Variants in BCAR3 observed in about 807,000 individuals in gnomAD.
BCAR3 encodes BCAR3 adaptor protein, NSP family member.
In BCAR3, 37 loss-of-function variants were observed where a neutral mutation model predicts 80.1. That is an observed-to-expected ratio of 0.46 (90% CI 0.36 to 0.61). BCAR3 has a LOEUF of 0.61. Ranked by LOEUF, BCAR3 falls within the 20% of genes least tolerant of loss-of-function variation. The pLI is 0.00. For missense variants in BCAR3, 978 were observed against 1,068.2 expected (o/e 0.92, Z 1.18); for synonymous variants, 389 against 418.9 (o/e 0.93, Z 0.87).
rs1270315705 is a variant in BCAR3 at position 93,641,374 on chromosome 1, G to A, written c.357+930C>T. Among the ~76,000 whole-genome samples the A allele has an allele frequency of 3.3e-5, 5 of 152,286 alleles. No homozygotes were observed. In the East Asian group the frequency reaches 5.8e-4, roughly 18 times the overall value. On this transcript the variant is annotated intron_variant, in intron 3 of 11. Transcript: ENST00000260502. ...AGGATGCTGCTGCCTTTGGGATAGC[G>A]AAGGTGGAATGAGACTCCTGATTCT...
At chr1:93,695,721 C>T (rs898479215) in intron 3 of BCAR3, among the ~76,000 whole-genome samples, 4 of 152,190 alleles carry the variant, frequency 2.6e-5, no homozygotes, top group Admixed American at 6.5e-5. Flanking sequence ...TCTGAAATTG[C>T]GCTCCCTGAG....
chr1:93,832,152 G>A (rs866757360), intron 2 of BCAR3, among the ~76,000 whole-genome samples: 33 of 152,246 alleles, frequency 2.2e-4, no homozygotes, highest in African/African-American at 6.7e-4. Context: ...GATTAACTTC[G>A]CCTTCAAGGT....
intron 2 of BCAR3, among the ~76,000 whole-genome samples, chr1:93,720,024 C>T (rs1035131268): frequency 1.3e-5 from 2 of 152,168 alleles, no homozygotes; most frequent in African/African-American, 4.8e-5. Flanking sequence ...TTTTCCTGGG[C>T]ACTGGTATGT....
At chr1:93,591,623 T>C (rs1249086601) in intron 4 of BCAR3, among the ~76,000 whole-genome samples, 1 of 152,190 alleles carries the variant, frequency 6.6e-6, no homozygotes, top group African/African-American at 2.4e-5. Context: ...TTCTGCAGAC[T>C]TACTCTATTT....
chr1:93,772,027 G>A (rs1417051100), intron 2 of BCAR3, among the ~76,000 whole-genome samples: 1 of 152,176 alleles, frequency 6.6e-6, no homozygotes, highest in Non-Finnish European at 1.5e-5. Context: ...CTCTCATAAT[G>A]TCAACGGAAG....
chr1:93,824,350 T>C (rs1417084852), intron 2 of BCAR3, among the ~76,000 whole-genome samples: 1 of 133,942 alleles, frequency 7.5e-6, no homozygotes, highest in Admixed American at 7.7e-5. Flanking sequence ...TTACCCTCTC[T>C]AAAGCACTGT....
At chr1:93,643,970 G>A (rs146365857) in intron 2 of BCAR3, among the ~76,000 whole-genome samples, 2,221 of 152,250 alleles carry the variant, frequency 0.015, 63 homozygotes, top group African/African-American at 0.052. Flanking sequence ...GGGGTCTGGA[G>A]AGTCATGCCC....
chr1:93,747,445 A>AACATCATCCTTATTGTGATGAT (rs1171770602), intron 2 of BCAR3, among the ~76,000 whole-genome samples: 3 of 151,682 alleles, frequency 2.0e-5, no homozygotes, highest in Non-Finnish European at 4.4e-5. Flanking sequence ...TCCAATCTTG[A>AACATCATCCTTATTGTGATGAT]GTAACAGCAT....
chr1:93,668,911 C>T (rs1648061572), intron 2 of BCAR3, among the ~76,000 whole-genome samples: 2 of 152,020 alleles, frequency 1.3e-5, no homozygotes, highest in Non-Finnish European at 2.9e-5. Flanking sequence ...AGGGTTTCAC[C>T]ATGTTGGCCA....
intron 2 of BCAR3, among the ~76,000 whole-genome samples, chr1:93,789,625 G>A (rs1653072332): frequency 6.6e-6 from 1 of 152,176 alleles, no homozygotes; most frequent in Non-Finnish European, 1.5e-5. Flanking sequence ...GGTCTCATTT[G>A]TTTAGAATGA....
At chr1:93,764,748 AG>A (rs1022632921) in intron 2 of BCAR3, among the ~76,000 whole-genome samples, 2 of 152,030 alleles carry the variant, frequency 1.3e-5, no homozygotes, top group African/African-American at 4.8e-5. Flanking sequence ...TGGGTTCTTC[AG>A]TGTGGGGGAC....
intron 6 of BCAR3, 108 bp downstream of exon 6, chr1:93,583,910 T>A: frequency 9.3e-7 from 1 of 1,079,356 alleles, no homozygotes; most frequent in Admixed American, 2.1e-5. Context: ...GCTGCAGGCC[T>A]GAGGCCTTGT....
intron 11 of BCAR3, among the ~76,000 whole-genome samples, chr1:93,564,320 G>A (rs901655677): frequency 2.4e-4 from 21 of 87,400 alleles, no homozygotes; most frequent in African/African-American, 9.7e-4. Context: ...TTGAGATGGA[G>A]TTTTGCTTTT....
chr1:93,656,401 T>G (rs552075681), intron 2 of BCAR3, among the ~76,000 whole-genome samples: 84 of 152,254 alleles, frequency 5.5e-4, no homozygotes, highest in Non-Finnish European at 9.3e-4. Context: ...CATAAGTATT[T>G]TCTCCAGTCA....
chr1:93,680,256 G>A (rs1648686046), intron 1 of BCAR3, among the ~76,000 whole-genome samples: 1 of 152,190 alleles, frequency 6.6e-6, no homozygotes, highest in Non-Finnish European at 1.5e-5. Context: ...CTGCCTATAT[G>A]AACAGGAGAT....
chr1:93,627,640 TAA>T (rs1557628780), intron 3 of BCAR3, among the ~76,000 whole-genome samples: 1 of 152,270 alleles, frequency 6.6e-6, no homozygotes, highest in Non-Finnish European at 1.5e-5. Context: ...CACTGGTATA[TAA>T]TGGGTTTATT....
At chr1:93,705,251 G>A (rs1352877778) in intron 3 of BCAR3, among the ~76,000 whole-genome samples, 1 of 152,102 alleles carries the variant, frequency 6.6e-6, no homozygotes, top group African/African-American at 2.4e-5. Flanking sequence ...AGAGTGGCAG[G>A]TCTTAGGACT....
intron 2 of BCAR3, among the ~76,000 whole-genome samples, chr1:93,665,015 A>C (rs1647835540): frequency 1.3e-5 from 2 of 151,594 alleles, no homozygotes; most frequent in Admixed American, 1.3e-4. Context: ...TAAAAATGCT[A>C]TGGTTTTGAG....
chr1:93,671,521 G>C (rs759106281), intron 2 of BCAR3, among the ~76,000 whole-genome samples: 1 of 152,066 alleles, frequency 6.6e-6, no homozygotes, highest in East Asian at 1.9e-4. Context: ...CTGACATCTG[G>C]GCAAGTCACT....
Sources: gnomAD v4.1 joint callset for allele counts (sites outside exome capture counted in the v4.1 genomes callset) on GRCh38, gnomAD v4.1.1 for gene constraint, MANE v1.5 for transcripts, NCBI Gene and HGNC (gene_info 2026-07-23, HGNC 2026-07-21) for gene names.